Variants in ZNF217 observed in about 807,000 individuals in gnomAD.
ZNF217 encodes zinc finger protein 217.
A neutral mutation model predicts 73.3 loss-of-function variants in ZNF217; 12 were observed. The ratio of observed to expected loss-of-function variants is 0.16; its 90% CI spans 0.10 to 0.27. The LOEUF (loss-of-function observed/expected upper bound fraction) is 0.27. Among genes scored for constraint, ZNF217 ranks in the 10% least tolerant of loss-of-function variants. The pLI, the probability that ZNF217 is intolerant of heterozygous loss-of-function variation, is 1.00. For synonymous variants in ZNF217, 588 were observed against 516.4 expected, an observed-to-expected ratio of 1.14 and a Z score of -1.88; for missense variants, 1,195 against 1,327.8, an observed-to-expected ratio of 0.90 and a Z score of 1.55.
chr20:53,582,764 T>C lies in ZNF217; in HGVS notation c.63A>G (p.Pro21=). 1 of 1,614,166 alleles carries C rather than the reference T, an allele frequency of 6.2e-7. No individual in the cohort carries two copies. The highest frequency in any genetic ancestry group is 8.5e-7 in the Non-Finnish European group (1 of 1,180,018). ...TQSLLMYMDG[P]EVIGSSLGSP... ...TGCCAAGAGAGCTGCCAATCACTTC[T>C]GGCCCATCCATGTACATTAAGAGGG... is the stretch of plus-strand genomic sequence containing the variant. Residue 21 remains proline, a synonymous_variant, in exon 2 of 6, where the codon CCA becomes CCG. Transcript: ENST00000371471. The surrounding 1 kb of genome is among the most constrained non-coding windows in gnomAD (Gnocchi z 4.8).
intron 5 of ZNF217, among the ~76,000 whole-genome samples, chr20:53,571,048 A>G (rs1025185565): frequency 1.1e-4 from 17 of 152,314 alleles, no homozygotes; most frequent in African/African-American, 4.1e-4. Flanking sequence ...TGCAGCAAGG[A>G]GGTAGCCACA....
chr20:53,573,528 TACTC>T (rs1482732472), intron 4 of ZNF217, among the ~76,000 whole-genome samples: 10 of 152,154 alleles, frequency 6.6e-5, no homozygotes, highest in East Asian at 1.9e-4. Context: ...AATCTAGACT[TACTC>T]ACTGCAATCT....
chr20:53,589,929 TGC>T (rs1988824182), intron 1 of ZNF217, among the ~76,000 whole-genome samples: 1 of 135,420 alleles, frequency 7.4e-6, no homozygotes, highest in East Asian at 2.6e-4. Context: ...AGAAGAGGTG[TGC>T]GGATCAAGAC....
Position 53,582,856 on chromosome 20 carries a change from TGG to T in ZNF217, c.-32_-31del, listed in dbSNP as rs762621315. On this transcript the variant is annotated 5_prime_UTR_variant, in exon 2 of 6. Transcript: ENST00000371471. This position sits in a 1 kb window ranked among gnomAD's most constrained non-coding sequence, Gnocchi z 4.8. ...TCTCAAAGTTCCGTTGGGCAATTTC[TGG>T]AGTTGGAATAAGGCCACTTGTAAGA... The T allele has an allele frequency of 7.0e-6, 11 of 1,564,722 alleles. No homozygotes were observed. The South Asian group carries it at 1.3e-4, about 19-fold the overall frequency.
Position 53,582,160 on chromosome 20 carries a change from A to C in ZNF217, c.667T>G (p.Phe223Val), listed in dbSNP as rs1336409865. 1 of 1,614,076 alleles carries C rather than the reference A, an allele frequency of 6.2e-7. No individual in the cohort carries two copies. Among genetic ancestry groups the C allele is most frequent in the East Asian group, 2.2e-5 (1 of 44,898 alleles). Residue 223 changes from phenylalanine (F) to valine (V), a missense_variant, in exon 2 of 6, where the codon TTC (phenylalanine) becomes GTC (valine). Around this residue, in one of 9 missense-constraint regions of ZNF217, gnomAD observed 126 missense variants for 114.4 expected, o/e 1.10. Transcript: ENST00000371471. This position sits in a 1 kb window ranked among gnomAD's most constrained non-coding sequence, Gnocchi z 4.8. ...AGACTTTCTTTATTTGGAAATAGGA[A>C]GCCACAAACCATGCAGATTTTGTAA... ...SPYKICMVCG[F>V]LFPNKESLIE...
At chr20:53,595,543 A>G (rs531066766), upstream of ZNF217, among the ~76,000 whole-genome samples, 73 of 152,208 alleles carry the variant, frequency 4.8e-4, no homozygotes, top group Non-Finnish European at 8.1e-4. Context: ...GTCATTTTAT[A>G]TATAACTACT....
At chr20:53,591,918 T>C (rs968359511) in intron 1 of ZNF217, among the ~76,000 whole-genome samples, 3 of 152,188 alleles carry the variant, frequency 2.0e-5, no homozygotes, top group Non-Finnish European at 4.4e-5. Flanking sequence ...AATAAGAACA[T>C]TGTAAATCTC....
intron 4 of ZNF217, among the ~76,000 whole-genome samples, 179 bp from the exon 5 acceptor site, chr20:53,572,032 G>A (rs1214646976): frequency 1.3e-5 from 2 of 152,142 alleles, no homozygotes; most frequent in African/African-American, 4.8e-5. Context: ...ACACTTGTTA[G>A]CACAGAATTT....
upstream of ZNF217, among the ~76,000 whole-genome samples, chr20:53,594,676 G>A (rs1989008281): frequency 1.3e-5 from 2 of 151,970 alleles, no homozygotes; most frequent in African/African-American, 4.8e-5. Flanking sequence ...CGCAGGCGCA[G>A]ATCCGGCCCT....
At position 53,576,266 on chromosome 20, in the gene ZNF217, G is replaced by C; in HGVS notation, c.2498C>G (p.Ala833Gly). 6.2e-7 allele frequency: 1 copy of C among 1,614,200 alleles called. No homozygotes were observed. The highest frequency in any genetic ancestry group is 8.5e-7 in the Non-Finnish European group (1 of 1,180,034). ...CATCTCAGATTGCTGTTGCCTGGTG[G>C]CGGCCCCTTGGACCCCCACATTCTG... ...PQQNVGVQGA[A>G]TRQQQSEMFP... The change falls in exon 4 of 6, where the codon GCC becomes GGC. Residue 833 changes from alanine (A) to glycine (G), a missense_variant. By Grantham distance (60) the Ala-to-Gly change is moderately conservative. Transcript: ENST00000371471.
chr20:53,576,417 G>A lies in ZNF217; in HGVS notation c.2347C>T (p.Gln783Ter). The change falls in exon 4 of 6, where the codon CAG becomes TAG. Residue 783 changes from glutamine (Q) to a stop codon, truncating the protein, a stop_gained. Transcript: ENST00000371471. LOFTEE classifies it high-confidence loss of function. ...TTCGCAGATGGCAGGGATTTGGACT[G>A]CGCCGGGAAAGCAGACTTGGGCTTG... ...KPKPKSAFPA[Q>*]SKSLPSAKGK... is the part of the protein sequence containing the mutation. 6.2e-7 allele frequency: 1 copy of A among 1,614,230 alleles called. No homozygotes were observed. The highest frequency in any genetic ancestry group is 8.5e-7 in the Non-Finnish European group (1 of 1,180,030).
chr20:53,586,072 C>A (rs896039009), intron 1 of ZNF217, among the ~76,000 whole-genome samples: 3 of 152,192 alleles, frequency 2.0e-5, no homozygotes, highest in Non-Finnish European at 1.5e-5. Context: ...CCTCTGAAAA[C>A]CTCTGTCCAG....
At chr20:53,597,663 A>T (rs1878787089), upstream of ZNF217, 1 of 151,838 alleles carries the variant, frequency 6.6e-6, no homozygotes, top group South Asian at 2.1e-4. Context: ...CTGGAACCTG[A>T]TAACTCTGTA....
intron 4 of ZNF217, among the ~76,000 whole-genome samples, chr20:53,572,149 C>G (rs752987503): frequency 2.6e-5 from 4 of 152,066 alleles, no homozygotes; most frequent in Non-Finnish European, 5.9e-5. Flanking sequence ...GCATCATGAA[C>G]CAAACTATGT....
chr20:53,578,880 C>G (rs746934673), intron 2 of ZNF217, among the ~76,000 whole-genome samples: 1 of 152,112 alleles, frequency 6.6e-6, no homozygotes, highest in African/African-American at 2.4e-5. Context: ...AATTACAAAC[C>G]GTCAACTTCC....
intron 1 of ZNF217, among the ~76,000 whole-genome samples, chr20:53,591,518 C>T (rs1200966962): frequency 1.3e-5 from 2 of 152,164 alleles, no homozygotes; most frequent in Non-Finnish European, 2.9e-5. Flanking sequence ...TAACTTACTG[C>T]CTCTTGAATT....
chr20:53,592,298 T>G (rs542412403), intron 1 of ZNF217, among the ~76,000 whole-genome samples: 1 of 152,010 alleles, frequency 6.6e-6, no homozygotes, highest in South Asian at 2.1e-4. Context: ...ATAGACTGAT[T>G]CAGGAAGATA....
At chr20:53,573,439 A>G (rs918693154) in intron 4 of ZNF217, among the ~76,000 whole-genome samples, 1 of 151,390 alleles carries the variant, frequency 6.6e-6, no homozygotes, top group Non-Finnish European at 1.5e-5. Flanking sequence ...ATCCTCCCAT[A>G]TACTTTACTT....
chr20:53,580,418 C>T (rs1280378971), intron 2 of ZNF217, among the ~76,000 whole-genome samples: 2 of 152,210 alleles, frequency 1.3e-5, no homozygotes, highest in East Asian at 3.8e-4. Flanking sequence ...CCATCATTCG[C>T]TTGTCAATTA....
Sources: allele counts gnomAD v4.1 joint callset (sites outside exome capture counted in the v4.1 genomes callset), GRCh38; gene constraint gnomAD v4.1.1; regional missense constraint gnomAD v4.1.1; non-coding constraint Gnocchi (gnomAD v3.1); transcripts MANE v1.5; gene names NCBI Gene and HGNC (gene_info 2026-07-23, HGNC 2026-07-21).